The following CHD7 variants were observed in gnomAD, a reference collection of about 807,000 sequenced individuals.
CHD7 encodes ATP-dependent chromatin remodeler CHD7.
CHD7 carries 24 observed loss-of-function variants against 307.3 expected under a neutral mutation model. That is an observed-to-expected ratio of 0.08 (90% CI 0.06 to 0.11). The LOEUF is 0.11. Ranked by LOEUF, CHD7 falls within the 10% of genes least tolerant of loss-of-function variation. CHD7 has a pLI of 1.00. For missense variants in CHD7, 3,106 were observed against 3,727.1 expected, an observed-to-expected ratio of 0.83 and a Z score of 4.34; for synonymous variants, 1,363 against 1,349.9, an observed-to-expected ratio of 1.01 and a Z score of -0.21.
intron 7 of CHD7, among the ~76,000 whole-genome samples, chr8:60,811,379 A>G (rs1238111679): frequency 6.6e-6 from 1 of 152,198 alleles, no homozygotes; most frequent in African/African-American, 2.4e-5. Flanking sequence ...TGGCATGAGC[A>G]TGCAGGTATA....
intron 25 of CHD7, among the ~76,000 whole-genome samples, 154 bp downstream of exon 25, chr8:60,849,308 T>A (rs1805351336): frequency 6.6e-6 from 1 of 152,244 alleles, no homozygotes; most frequent in African/African-American, 2.4e-5. Flanking sequence ...AAATCTAATA[T>A]GAACTGTAAA....
chr8:60,729,975 A>C (rs754965155), intron 1 of CHD7, among the ~76,000 whole-genome samples: 38 of 152,218 alleles, frequency 2.5e-4, no homozygotes, highest in Non-Finnish European at 4.1e-4. Context: ...GAAGTACTTA[A>C]AATTAGAATT....
At chr8:60,837,090 C>T (rs903134823) in intron 17 of CHD7, 78 bp downstream of exon 17, 1 of 1,157,928 alleles carries the variant, frequency 8.6e-7, no homozygotes, top group African/African-American at 1.6e-5. Context: ...CCAGTCAGAC[C>T]CATAAATTAA....
At chr8:60,801,633 G>A in intron 6 of CHD7, 40 bp downstream of exon 6, 1 of 1,297,276 alleles carries the variant, frequency 7.7e-7, no homozygotes, top group Non-Finnish European at 1.1e-6. Context: ...TGAGGTGTAT[G>A]TGACTCTTAC....
rs374364252 is a variant in CHD7, at chr8:60,741,978, C to T, written c.546C>T (p.His182=). The change falls in exon 2 of 38, where the codon CAC becomes CAT. Residue 182 remains histidine, a synonymous_variant. Coordinates refer to ENST00000423902, the MANE Select transcript of CHD7 (RefSeq NM_017780.4). Reference sequence around the variant, plus strand: ...CGTCGGGGCCCCCTGCACAGGGCCACCCTCAGCACATGCAGCAGATGGGCA... The same window carrying T: ...CGTCGGGGCCCCCTGCACAGGGCCATCCTCAGCACATGCAGCAGATGGGCA... ...PAPSGPPAQG[H]PQHMQQMGSY... 13 of 1,613,618 alleles carry T rather than the reference C, an allele frequency of 8.1e-6. No individual in the cohort carries two copies. In the Admixed American group the frequency reaches 1.3e-4, roughly 17 times the overall value.
chr8:60,743,931 A>G (rs1380359054), intron 2 of CHD7, among the ~76,000 whole-genome samples: 1 of 152,228 alleles, frequency 6.6e-6, no homozygotes, highest in Admixed American at 6.5e-5. Flanking sequence ...TTTGGGGTGC[A>G]CAGTAGCTGA....
At chr8:60,749,554 T>G (rs892817793) in intron 2 of CHD7, among the ~76,000 whole-genome samples, 1 of 151,982 alleles carries the variant, frequency 6.6e-6, no homozygotes, top group Non-Finnish European at 1.5e-5. Flanking sequence ...CAATACTACC[T>G]TTCTCACTTC....
chr8:60,820,699 T>G (rs1803986940), intron 9 of CHD7, among the ~76,000 whole-genome samples: 1 of 152,214 alleles, frequency 6.6e-6, no homozygotes, highest in South Asian at 2.1e-4. Flanking sequence ...GTGTCCTTCC[T>G]GGCTTCTCCA....
intron 1 of CHD7, among the ~76,000 whole-genome samples, chr8:60,704,947 C>G (rs1171181799): frequency 6.6e-6 from 1 of 152,166 alleles, no homozygotes; most frequent in East Asian, 1.9e-4. Context: ...CAATCACATG[C>G]CTTACTCCGG....
At chr8:60,710,088 T>TA (rs1283446854) in intron 1 of CHD7, among the ~76,000 whole-genome samples, 4 of 152,084 alleles carry the variant, frequency 2.6e-5, no homozygotes, top group African/African-American at 9.7e-5. Context: ...TTTTTTTTTT[T>TA]ACACCTTGTT....
At chr8:60,863,641 A>T (rs2129738655) in intron 37 of CHD7, 1 of 152,260 alleles carries the variant, frequency 6.6e-6, no homozygotes, top group South Asian at 2.1e-4. Flanking sequence ...TATTTGAAAT[A>T]TCCAAAATAA....
chr8:60,746,529 G>C (rs1809338949), intron 2 of CHD7, among the ~76,000 whole-genome samples: 1 of 152,124 alleles, frequency 6.6e-6, no homozygotes, highest in Non-Finnish European at 1.5e-5. Flanking sequence ...TACTATACCA[G>C]GTATCAGGGA....
chr8:60,690,783 C>T (rs191972837), intron 1 of CHD7, among the ~76,000 whole-genome samples: 8 of 152,214 alleles, frequency 5.3e-5, no homozygotes, highest in East Asian at 3.9e-4. Flanking sequence ...ACTGTTGTCT[C>T]GGTATGGTGA....
chr8:60,815,087 G>A (rs574159527), intron 7 of CHD7, among the ~76,000 whole-genome samples: 5 of 152,242 alleles, frequency 3.3e-5, no homozygotes, highest in African/African-American at 1.2e-4. Flanking sequence ...GTGTGTGTAT[G>A]TACAGCATTT....
chr8:60,817,075 A>C (rs1387137229), intron 8 of CHD7, among the ~76,000 whole-genome samples: 1 of 152,210 alleles, frequency 6.6e-6, no homozygotes, highest in Non-Finnish European at 1.5e-5. Context: ...ATTTACTAGA[A>C]GTGCCAGTTC....
In CHD7 at chr8:60,838,925, G is replaced by A. The variant is rs568815969; in HGVS notation, c.4533+670G>A. On this transcript the variant is annotated intron_variant, in intron 19 of 37. Coordinates refer to ENST00000423902, the MANE Select transcript of CHD7 (RefSeq NM_017780.4). ...TACTTTTATTTTTAATGACTTTATTGAAATGTAATTAACTGACCATACAAT... is the reference window on the plus strand; with the variant it reads ...TACTTTTATTTTTAATGACTTTATTAAAATGTAATTAACTGACCATACAAT... Among the ~76,000 whole-genome samples, 6 of 152,304 alleles carry A rather than the reference G, an allele frequency of 3.9e-5. No homozygotes were observed. In the East Asian group the frequency reaches 1.2e-3, roughly 29 times the overall value.
At chr8:60,714,971 A>G (rs1377092735) in intron 1 of CHD7, among the ~76,000 whole-genome samples, 1 of 152,206 alleles carries the variant, frequency 6.6e-6, no homozygotes, top group Non-Finnish European at 1.5e-5. Context: ...GCAGGAGGGA[A>G]TATTCTGCCG....
intron 1 of CHD7, among the ~76,000 whole-genome samples, chr8:60,695,278 A>T (rs1015634485): frequency 9.2e-5 from 14 of 152,260 alleles, no homozygotes; most frequent in African/African-American, 3.4e-4. Context: ...TCAAGAAAAT[A>T]GGTATCTAAC....
chr8:60,808,507 T>C (rs1394514468), intron 7 of CHD7, among the ~76,000 whole-genome samples: 1 of 152,186 alleles, frequency 6.6e-6, no homozygotes. Context: ...AATAAGTATT[T>C]TTTTAGAGAG....
Sources: allele counts gnomAD v4.1 joint callset (sites outside exome capture counted in the v4.1 genomes callset), GRCh38; gene constraint gnomAD v4.1.1; transcripts MANE v1.5; gene names NCBI Gene and HGNC (gene_info 2026-07-23, HGNC 2026-07-21).